Variants in SLC13A3 observed in about 807,000 individuals in gnomAD.
The protein encoded by SLC13A3 is Na(+)/dicarboxylate cotransporter 3.
A neutral mutation model predicts 59.0 loss-of-function variants in SLC13A3; 40 were observed. The ratio of observed to expected loss-of-function variants is 0.68; its 90% confidence interval spans 0.53 to 0.88. The LOEUF (loss-of-function observed/expected upper bound fraction) is 0.88, where lower values mean the gene tolerates loss of function less well. SLC13A3 is among the 40% of genes least tolerant of loss of function. The pLI is 0.00. For synonymous variants in SLC13A3, 317 were observed against 330.3 expected, an observed-to-expected ratio of 0.96 and a Z score of 0.44; for missense variants, 699 against 783.2, an observed-to-expected ratio of 0.89 and a Z score of 1.28.
intron 4 of SLC13A3, among the ~76,000 whole-genome samples, chr20:46,597,562 G>A (rs943102011): frequency 6.6e-6 from 1 of 151,988 alleles, no homozygotes; most frequent in Admixed American, 6.6e-5. Context: ...TCAGCCTCCC[G>A]AGTAACTGAG....
At chr20:46,582,698 A>C in intron 9 of SLC13A3, 2 of 985,098 alleles carry the variant, frequency 2.0e-6, no homozygotes, top group Non-Finnish European at 2.4e-6. Flanking sequence ...CCACACTCAA[A>C]CCCTGACTCT....
At chr20:46,633,435 T>C (rs1372837567) in intron 1 of SLC13A3, among the ~76,000 whole-genome samples, 1 of 152,242 alleles carries the variant, frequency 6.6e-6, no homozygotes, top group Non-Finnish European at 1.5e-5. Context: ...ATTGGCTTTT[T>C]GGAGCCTCCC....
intron 10 of SLC13A3, among the ~76,000 whole-genome samples, chr20:46,571,733 G>C (rs1434349441): frequency 6.6e-6 from 1 of 152,050 alleles, no homozygotes; most frequent in Non-Finnish European, 1.5e-5. Context: ...GAATAGGCAG[G>C]GTCATGAGAG....
intron 9 of SLC13A3, chr20:46,583,293 CA>C (rs754227547): frequency 2.9e-4 from 232 of 795,728 alleles, no homozygotes; most frequent in Non-Finnish European, 3.5e-4. Context: ...GTTTTTTTTT[CA>C]ACCATTTAAA....
At chr20:46,578,022 A>G (rs991330804) in intron 9 of SLC13A3, among the ~76,000 whole-genome samples, 1 of 151,798 alleles carries the variant, frequency 6.6e-6, no homozygotes, top group Non-Finnish European at 1.5e-5. Context: ...TTTTTTTGAG[A>G]TGGAGTCTCG....
intron 2 of SLC13A3, among the ~76,000 whole-genome samples, chr20:46,612,309 T>G (rs1417309881): frequency 6.6e-6 from 1 of 152,026 alleles, no homozygotes; most frequent in African/African-American, 2.4e-5. Flanking sequence ...TTTTTTGTAT[T>G]TTTGGTAGAG....
chr20:46,603,857 C>T (rs2062407565), intron 3 of SLC13A3, among the ~76,000 whole-genome samples: 1 of 151,596 alleles, frequency 6.6e-6, no homozygotes, highest in Non-Finnish European at 1.5e-5. Context: ...ATAAAGACTT[C>T]AACAGAGCTG....
intron 1 of SLC13A3, among the ~76,000 whole-genome samples, chr20:46,628,214 G>A (rs565091130): frequency 6.6e-6 from 1 of 152,208 alleles, no homozygotes; most frequent in Non-Finnish European, 1.5e-5. Context: ...AACTTCTGGA[G>A]TTCAGAGGTT....
At chr20:46,596,459 A>G in intron 4 of SLC13A3, 117 bp from the exon 5 acceptor site, 1 of 838,076 alleles carries the variant, frequency 1.2e-6, no homozygotes. Context: ...AGGTATCAAA[A>G]ACCCGTAACA....
At chr20:46,626,146 T>C (rs1358386154) in intron 1 of SLC13A3, among the ~76,000 whole-genome samples, 1 of 151,442 alleles carries the variant, frequency 6.6e-6, no homozygotes, top group African/African-American at 2.4e-5. Flanking sequence ...TCTGTCTCTC[T>C]GTCTCTCTCT....
Position 46,596,239 on chromosome 20 carries a change from T to G in SLC13A3, c.712A>C (p.Ile238Leu). The G allele has an allele frequency of 3.7e-6, 6 of 1,614,128 alleles. No individual in the cohort carries two copies. The highest frequency in any genetic ancestry group is 5.1e-6 in the Non-Finnish European group (6 of 1,180,022). Reference protein sequence around the residue: ...RNIWKGFLISIPYSASIGGTA... With the variant: ...RNIWKGFLISLPYSASIGGTA... ...CCCCCAATACTGGCTGAGTAGGGGATGGAGATGAGGAAGCCCTTCCAGATG... is the reference window on the plus strand; with the variant it reads ...CCCCCAATACTGGCTGAGTAGGGGAGGGAGATGAGGAAGCCCTTCCAGATG... The change falls in exon 5 of 13, where the codon ATC becomes CTC. Residue 238 changes from isoleucine (I) to leucine (L), a missense_variant. Ile to Leu is a conservative substitution (Grantham distance 5). Coordinates refer to ENST00000279027, the MANE Select transcript of SLC13A3 (RefSeq NM_022829.6).
chr20:46,635,648 G>C (rs1030907036), intron 1 of SLC13A3, among the ~76,000 whole-genome samples: 1 of 152,216 alleles, frequency 6.6e-6, no homozygotes, highest in African/African-American at 2.4e-5. Flanking sequence ...TTGAACCAGA[G>C]TGACTCCATC....
chr20:46,635,046 G>A (rs2122831138), intron 1 of SLC13A3, among the ~76,000 whole-genome samples: 1 of 152,214 alleles, frequency 6.6e-6, no homozygotes, highest in East Asian at 1.9e-4. Flanking sequence ...ATCCCATCTG[G>A]GCTCTTCATT....
intron 3 of SLC13A3, among the ~76,000 whole-genome samples, chr20:46,606,779 T>C (rs1408108187): frequency 1.3e-5 from 2 of 152,196 alleles, no homozygotes; most frequent in Non-Finnish European, 2.9e-5. Flanking sequence ...TGAGCTTCAG[T>C]TTCCTCATCT....
intron 1 of SLC13A3, among the ~76,000 whole-genome samples, chr20:46,667,773 T>C (rs2063069567): frequency 6.6e-6 from 1 of 152,228 alleles, no homozygotes; most frequent in African/African-American, 2.4e-5. Flanking sequence ...TTACAGATAT[T>C]GCATTTTTGT....
At chr20:46,615,770 C>T (rs2062548350) in intron 1 of SLC13A3, among the ~76,000 whole-genome samples, 1 of 152,132 alleles carries the variant, frequency 6.6e-6, no homozygotes, top group African/African-American at 2.4e-5. Context: ...TCCAGATTCC[C>T]AAGTCCCTTA....
chr20:46,573,994 G>A (rs1211966587), intron 10 of SLC13A3, among the ~76,000 whole-genome samples: 3 of 152,164 alleles, frequency 2.0e-5, no homozygotes, highest in Non-Finnish European at 2.9e-5. Context: ...GGCGTTCAGG[G>A]GTGAGACGGA....
chr20:46,624,633 G>A (rs1600577177), intron 1 of SLC13A3, among the ~76,000 whole-genome samples: 3 of 152,316 alleles, frequency 2.0e-5, no homozygotes, highest in Admixed American at 2.0e-4. Context: ...TTTAGCATAA[G>A]TATATCCCAT....
At chr20:46,651,570 GC>G, upstream of SLC13A3, 1 of 1,305,086 alleles carries the variant, frequency 7.7e-7, no homozygotes, top group Non-Finnish European at 9.7e-7. Flanking sequence ...GGTGGTGCCT[GC>G]GCCCCTGGGA....
Sources: gnomAD v4.1 joint callset for allele counts (sites outside exome capture counted in the v4.1 genomes callset) on GRCh38, gnomAD v4.1.1 for gene constraint, MANE v1.5 for transcripts, NCBI Gene and HGNC (gene_info 2026-07-23, HGNC 2026-07-21) for gene names.